ANK3: variants seen among roughly 807,000 people sequenced by gnomAD.
The protein encoded by ANK3 is ankyrin 3.
ANK3 carries 57 observed loss-of-function variants against 370.9 expected under a neutral mutation model. The observed-to-expected ratio is 0.15, with a 90% confidence interval of 0.12 to 0.19. The LOEUF is 0.19. ANK3 is among the 10% of genes least tolerant of loss of function. The probability of loss-of-function intolerance (pLI) is 1.00; values close to 1 mark genes in which losing one functional copy is unlikely to be tolerated. For synonymous variants in ANK3, 1,929 were observed against 1,946.3 expected (o/e 0.99, Z 0.23); for missense variants, 4,439 against 5,302.1 (o/e 0.84, Z 5.06).
chr10:60,263,320 G>T (rs1285853231), intron 6 of ANK3, among the ~76,000 whole-genome samples: 3 of 152,118 alleles, frequency 2.0e-5, no homozygotes, highest in Non-Finnish European at 2.9e-5. Context: ...CTACGCAACG[G>T]CCTAGTCCAA....
intron 1 of ANK3, among the ~76,000 whole-genome samples, chr10:60,347,355 G>T (rs984525615): frequency 5.3e-5 from 8 of 151,726 alleles, no homozygotes; most frequent in Admixed American, 5.3e-4. Flanking sequence ...AAACTACGTA[G>T]ATAGTAAGGT....
intron 11 of ANK3, among the ~76,000 whole-genome samples, chr10:60,204,705 CCAGT>C (rs1449590098): frequency 1.1e-4 from 17 of 152,066 alleles, no homozygotes; most frequent in African/African-American, 3.9e-4. Context: ...TATATGAAGA[CCAGT>C]CAGACTCAGC....
At chr10:60,479,230 T>A (rs1046609515) in intron 2 of ANK3, among the ~76,000 whole-genome samples, 1 of 152,172 alleles carries the variant, frequency 6.6e-6, no homozygotes, top group Admixed American at 6.5e-5. Flanking sequence ...ACCACATATA[T>A]GATGGTGGTT....
rs150868710 is a variant in ANK3 at position 60,086,762 on chromosome 10, C to T, written c.3663G>A (p.Pro1221=). ...CACCTTCTCCTGAGGGCGGGGGCAC[C>T]GGAATGGTCATTGTGATTGGTTTAT... is the stretch of plus-strand genomic sequence containing the variant. ...KFHKPITMTI[P]VPPPSGEGVS... is the part of the protein sequence containing the mutation. The change falls in exon 30 of 44, where the codon CCG becomes CCA. Residue 1221 remains proline, a synonymous_variant. Coordinates refer to ENST00000280772, the MANE Select transcript of ANK3 (RefSeq NM_020987.5). 2.2e-5 allele frequency: 35 copies of T among 1,613,882 alleles called. No homozygotes were observed. In the African/African-American group the frequency reaches 2.8e-4, roughly 13 times the overall value.
intron 1 of ANK3, 43 bp downstream of exon 1, chr10:60,389,380 CAA>C (rs998219232): frequency 1.6e-5 from 25 of 1,581,906 alleles, no homozygotes; most frequent in Non-Finnish European, 2.2e-5. Context: ...GAGATTAAAA[CAA>C]AAAGAATCCA....
chr10:60,598,296 C>T (rs80258941), intron 2 of ANK3, among the ~76,000 whole-genome samples: 2,963 of 152,264 alleles, frequency 0.019, 102 homozygotes, highest in African/African-American at 0.068. Context: ...CATATACTTA[C>T]GCAGTATTCT....
At chr10:60,305,325 A>C (rs899505926) in intron 1 of ANK3, among the ~76,000 whole-genome samples, 4 of 152,052 alleles carry the variant, frequency 2.6e-5, no homozygotes, top group African/African-American at 9.6e-5. Flanking sequence ...TGTCCCTCAG[A>C]TCTTGTAGGC....
At position 60,196,230 on chromosome 10, in the gene ANK3, G is replaced by A; in HGVS notation, c.1802C>T (p.Pro601Leu). The A allele has an allele frequency of 6.2e-7, 1 of 1,613,920 alleles. No individual in the cohort carries two copies. ...ATCGTAATGTGCAGCTACATGCAGT[G>A]GTGTTAGCCCGCTCTGAAAACACGT... ...PDAAGKSGLT[P>L]LHVAAHYDNQ... Residue 601 changes from proline (P) to leucine (L), a missense_variant, in exon 16 of 44, where the codon CCA (proline) becomes CTA (leucine). Coordinates refer to ENST00000280772, the MANE Select transcript of ANK3 (RefSeq NM_020987.5).
chr10:60,271,345 C>T (rs920579582), intron 4 of ANK3, among the ~76,000 whole-genome samples: 1 of 151,964 alleles, frequency 6.6e-6, no homozygotes, highest in Non-Finnish European at 1.5e-5. Context: ...GCTGGGGCTA[C>T]AGGCATGCAC....
rs976057033 is a variant in ANK3 at position 60,714,393 on chromosome 10, T to C, written c.57+18870A>G. Among the ~76,000 whole-genome samples the C allele has an allele frequency of 5.3e-5, 8 of 152,256 alleles. No individual in the cohort carries two copies. In the South Asian group the frequency reaches 1.7e-3, roughly 32 times the overall value. ...AGAAAAACTTCTTAGCTCATTCTAT[T>C]AGGTCAGCATTACCCTAATACCAAA... On this transcript the variant is annotated intron_variant, in intron 1 of 43. Transcript: ENST00000373827.
intron 1 of ANK3, among the ~76,000 whole-genome samples, chr10:60,297,323 A>G (rs2042749528): frequency 6.6e-6 from 1 of 152,234 alleles, no homozygotes; most frequent in Admixed American, 6.5e-5. Flanking sequence ...CTACAAAGAT[A>G]TTCTTACAAA....
At chr10:60,472,754 C>A (rs1471118429) in intron 2 of ANK3, among the ~76,000 whole-genome samples, 1 of 152,174 alleles carries the variant, frequency 6.6e-6, no homozygotes, top group Non-Finnish European at 1.5e-5. Context: ...TACTCCATCC[C>A]TACTGCTCAC....
intron 25 of ANK3, among the ~76,000 whole-genome samples, chr10:60,119,062 T>A (rs2093304299): frequency 6.6e-6 from 1 of 152,248 alleles, no homozygotes; most frequent in Non-Finnish European, 1.5e-5. Context: ...TTGAGCTATA[T>A]GTCCCAATAT....
intron 7 of ANK3, among the ~76,000 whole-genome samples, chr10:60,237,306 C>A (rs532700968): frequency 1.6e-3 from 248 of 152,238 alleles, no homozygotes; most frequent in African/African-American, 5.7e-3. Flanking sequence ...GATGGAGGGT[C>A]AGGTTGGGAA....
At chr10:60,503,681 T>C (rs1239891719) in intron 2 of ANK3, among the ~76,000 whole-genome samples, 3 of 152,164 alleles carry the variant, frequency 2.0e-5, no homozygotes, top group African/African-American at 4.8e-5. Context: ...TTCAGTTTAT[T>C]AGAAACCAGA....
At chr10:60,625,170 G>C (rs1658999266) in intron 1 of ANK3, among the ~76,000 whole-genome samples, 1 of 152,122 alleles carries the variant, frequency 6.6e-6, no homozygotes, top group Non-Finnish European at 1.5e-5. Context: ...TCTGCCAAGA[G>C]AGGGAGCCAC....
At chr10:60,693,726 C>T (rs956472963) in intron 1 of ANK3, among the ~76,000 whole-genome samples, 40 of 152,094 alleles carry the variant, frequency 2.6e-4, no homozygotes, top group African/African-American at 8.9e-4. Flanking sequence ...ACAGAAAGGA[C>T]ATCCACACCA....
chr10:60,372,310 T>C (rs552306907), intron 1 of ANK3, among the ~76,000 whole-genome samples: 35 of 152,304 alleles, frequency 2.3e-4, no homozygotes, highest in African/African-American at 8.2e-4. Context: ...ACTACATCAA[T>C]ATATTATGAT....
rs1222430241 is a variant in ANK3 at position 60,263,821 on chromosome 10, C to T, written c.699+14G>A. The T allele has an allele frequency of 6.2e-7, 1 of 1,613,064 alleles. No homozygotes were observed. Among genetic ancestry groups the T allele is most frequent in the South Asian group, 1.1e-5 (1 of 91,020 alleles). On this transcript the variant is annotated intron_variant, in intron 6 of 43. Coordinates refer to ENST00000280772, the MANE Select transcript of ANK3 (RefSeq NM_020987.5). ...GGAGAGTTGCATGACAGGCCCGTGT[C>T]CCTCGTGCCTCACCTTTGATTCCAC... is the stretch of plus-strand genomic sequence containing the variant.
Sources: allele counts gnomAD v4.1 joint callset (sites outside exome capture counted in the v4.1 genomes callset), GRCh38; gene constraint gnomAD v4.1.1; transcripts MANE v1.5; gene names NCBI Gene and HGNC (gene_info 2026-07-23, HGNC 2026-07-21).